ATXN7: variants seen among roughly 807,000 people sequenced by gnomAD.
ATXN7 encodes ataxin-7.
In ATXN7, 12 loss-of-function variants were observed where a neutral mutation model predicts 70.5. The ratio of observed to expected loss-of-function variants is 0.17; its 90% CI spans 0.11 to 0.28. ATXN7 has a LOEUF of 0.28. Ranked by LOEUF, ATXN7 falls within the 10% of genes least tolerant of loss-of-function variation. The probability of loss-of-function intolerance (pLI) is 1.00; values close to 1 mark genes in which losing one functional copy is unlikely to be tolerated. For missense variants in ATXN7, 1,256 were observed against 1,131.7 expected, an observed-to-expected ratio of 1.11 and a Z score of -1.58; for synonymous variants, 498 against 448.7, an observed-to-expected ratio of 1.11 and a Z score of -1.39.
chr3:63,928,045 A>C (rs1293836374), intron 4 of ATXN7, among the ~76,000 whole-genome samples: 1 of 152,246 alleles, frequency 6.6e-6, no homozygotes, highest in Non-Finnish European at 1.5e-5. Flanking sequence ...GGTAACAAAT[A>C]CAACAATTAA....
intron 4 of ATXN7, among the ~76,000 whole-genome samples, chr3:63,929,872 C>G (rs1418954255): frequency 2.0e-5 from 3 of 152,178 alleles, no homozygotes; most frequent in Admixed American, 6.5e-5. Flanking sequence ...CCAGCTTGCT[C>G]TCTCTGACCG....
intron 3 of ATXN7, 112 bp downstream of exon 3, chr3:63,913,035 A>G (rs1457903353): frequency 1.4e-5 from 18 of 1,290,788 alleles, no homozygotes; most frequent in Admixed American, 4.2e-5. Flanking sequence ...CAGAGATGCT[A>G]TCGTTTGCTG....
At position 63,996,365 on chromosome 3, in the gene ATXN7, ACAG is replaced by A. The variant is rs768341599; in HGVS notation, c.2552_2554del (p.Ser851del). ...TCACCCAGCTCGAGCAGCATCAACA[ACAG>A]CAGCAGCAAACCCACAAAGGTTGCC... On this transcript the variant is annotated inframe_deletion, in exon 12 of 13. Transcript: ENST00000674280. 4 of 1,614,038 alleles carry A rather than the reference ACAG, an allele frequency of 2.5e-6. No homozygotes were observed. Among genetic ancestry groups the A allele is most frequent in the Non-Finnish European group, 3.4e-6 (4 of 1,180,032 alleles).
chr3:63,944,035 C>T (rs897914028), intron 4 of ATXN7, among the ~76,000 whole-genome samples: 2 of 152,156 alleles, frequency 1.3e-5, no homozygotes, highest in Non-Finnish European at 1.5e-5. Context: ...AGCATGCCTC[C>T]CCTACCTCTC....
At chr3:63,991,498 A>G (rs149801592) in intron 11 of ATXN7, among the ~76,000 whole-genome samples, 76 of 152,218 alleles carry the variant, frequency 5.0e-4, no homozygotes, top group African/African-American at 1.7e-3. Flanking sequence ...GATGGATGAG[A>G]AACAGCAGTC....
At chr3:63,873,396 G>T (rs1702653064) in intron 1 of ATXN7, among the ~76,000 whole-genome samples, 1 of 152,106 alleles carries the variant, frequency 6.6e-6, no homozygotes, top group South Asian at 2.1e-4. Flanking sequence ...GTCTTCTCAG[G>T]ATACAGGAGG....
At chr3:63,997,150 C>T (rs1026299926) in intron 12 of ATXN7, among the ~76,000 whole-genome samples, 6 of 152,102 alleles carry the variant, frequency 3.9e-5, no homozygotes, top group African/African-American at 1.4e-4. Flanking sequence ...CCCAGCTACT[C>T]AGGAGGTGGA....
intron 4 of ATXN7, among the ~76,000 whole-genome samples, chr3:63,945,990 G>C (rs1317618411): frequency 6.6e-6 from 1 of 152,174 alleles, no homozygotes; most frequent in East Asian, 1.9e-4. Flanking sequence ...GCTGTTCAAG[G>C]CTGGTGGGCT....
intron 4 of ATXN7, among the ~76,000 whole-genome samples, chr3:63,922,823 T>C (rs1704560636): frequency 6.6e-6 from 1 of 152,120 alleles, no homozygotes; most frequent in African/African-American, 2.4e-5. Flanking sequence ...ATGGAAAAAA[T>C]TATTACAGAA....
intron 1 of ATXN7, among the ~76,000 whole-genome samples, chr3:63,888,172 T>A (rs1703144476): frequency 6.6e-6 from 1 of 152,196 alleles, no homozygotes; most frequent in Non-Finnish European, 1.5e-5. Flanking sequence ...TACAGAGGCT[T>A]GGATATTATT....
At chr3:63,936,966 G>C (rs1230156669) in intron 4 of ATXN7, among the ~76,000 whole-genome samples, 1 of 152,136 alleles carries the variant, frequency 6.6e-6, no homozygotes, top group Non-Finnish European at 1.5e-5. Flanking sequence ...TAATTTGTAA[G>C]TGTTCTACAA....
rs763909091 is a variant in ATXN7 at position 63,960,069 on chromosome 3, T to A, written c.499+7586T>A. Reference sequence around the variant, plus strand: ...ATGCTAGGAATAATGTGAGAGAAAATGACTGGGGCAGACCACTTTAGGTAA... The same window carrying A: ...ATGCTAGGAATAATGTGAGAGAAAAAGACTGGGGCAGACCACTTTAGGTAA... On this transcript the variant is annotated intron_variant, in intron 5 of 12. Transcript: ENST00000674280. Among the ~76,000 whole-genome samples, 3 of 152,260 alleles carry A rather than the reference T, an allele frequency of 2.0e-5. No individual in the cohort carries two copies. In the South Asian group the frequency reaches 6.2e-4, roughly 32 times the overall value.
chr3:63,947,179 A>G (rs1329929428), intron 4 of ATXN7, among the ~76,000 whole-genome samples: 3 of 152,202 alleles, frequency 2.0e-5, no homozygotes, highest in African/African-American at 4.8e-5. Flanking sequence ...TTGAGTGAGC[A>G]CTTCCTAGGG....
intron 5 of ATXN7, chr3:63,968,263 T>G (rs2075258833): frequency 2.9e-6 from 1 of 350,050 alleles, no homozygotes; most frequent in Admixed American, 4.5e-5. Flanking sequence ...CAGAAGCCAT[T>G]CTGAAATGTC....
At chr3:63,950,844 A>T (rs2074941538) in intron 4 of ATXN7, among the ~76,000 whole-genome samples, 1 of 152,122 alleles carries the variant, frequency 6.6e-6, no homozygotes, top group South Asian at 2.1e-4. Context: ...GAAGCTTCTT[A>T]TCTAATCAGT....
intron 5 of ATXN7, among the ~76,000 whole-genome samples, chr3:63,953,610 A>T (rs529202912): frequency 6.6e-6 from 1 of 152,060 alleles, no homozygotes; most frequent in Admixed American, 6.5e-5. Flanking sequence ...ACTGAGAGTA[A>T]GATCTGGCAG....
chr3:63,976,068 G>C (rs147860208), intron 5 of ATXN7, among the ~76,000 whole-genome samples: 1 of 152,264 alleles, frequency 6.6e-6, no homozygotes, highest in African/African-American at 2.4e-5. Flanking sequence ...CTCCTCAGCA[G>C]ACCACATTGC....
intron 5 of ATXN7, among the ~76,000 whole-genome samples, chr3:63,964,145 A>C (rs541862609): frequency 6.7e-6 from 1 of 149,284 alleles, no homozygotes; most frequent in East Asian, 1.9e-4. Flanking sequence ...AATTCCTCAA[A>C]CAACCACAAG....
chr3:63,866,886 T>C (rs1702448018), intron 1 of ATXN7: 1 of 151,988 alleles, frequency 6.6e-6, no homozygotes, highest in Non-Finnish European at 1.5e-5. Context: ...TAGCAGATTT[T>C]AAGAAAACTG....
Sources: allele counts gnomAD v4.1 joint callset (sites outside exome capture counted in the v4.1 genomes callset), GRCh38; gene constraint gnomAD v4.1.1; transcripts MANE v1.5; gene names NCBI Gene and HGNC (gene_info 2026-07-23, HGNC 2026-07-21).